The following KCNQ1 variants were observed in gnomAD, a reference collection of about 807,000 sequenced individuals.
The protein encoded by KCNQ1 is potassium voltage-gated channel subfamily KQT member 1.
Under a neutral mutation model 72.4 loss-of-function variants are expected in KCNQ1, and 49 were observed. The ratio of observed to expected loss-of-function variants is 0.68; its 90% CI spans 0.54 to 0.86. The LOEUF (loss-of-function observed/expected upper bound fraction) is 0.86, where lower values mean the gene tolerates loss of function less well. KCNQ1 is among the 40% of genes least tolerant of loss of function. The pLI is 0.00. For missense variants in KCNQ1, 790 were observed against 945.1 expected (o/e 0.84, Z 2.15); for synonymous variants, 450 against 412.6 (o/e 1.09, Z -1.10).
chr11:2,493,126 T>C lies in KCNQ1; in HGVS notation c.387-34802T>C, dbSNP rs558169324. On this transcript the variant is annotated intron_variant, in intron 1 of 15. Coordinates refer to ENST00000155840, the MANE Select transcript of KCNQ1 (RefSeq NM_000218.3). The surrounding 1 kb of genome is among the most constrained non-coding windows in gnomAD (Gnocchi z 5.3). ...TGACCAGTAATGATTAGCTTTTTTTTCCATATGTTTCTTGGCCACATAAAT... is the reference window on the plus strand; with the variant it reads ...TGACCAGTAATGATTAGCTTTTTTTCCCATATGTTTCTTGGCCACATAAAT... Among the ~76,000 whole-genome samples, 23 of 152,358 alleles carry C rather than the reference T, an allele frequency of 1.5e-4. No individual in the cohort carries two copies. In the South Asian group the frequency reaches 1.9e-3, roughly 12 times the overall value.
Position 2,699,718 on chromosome 11 carries a change from G to C in KCNQ1, c.1514+37637G>C, listed in dbSNP as rs534728847. ...GCCCCGAGGAGAACGGCGCCGAGGA[G>C]TCCCCGGGGAGAACTGCGCCGAGGA... On this transcript the variant is annotated intron_variant, in intron 11 of 15. Coordinates refer to ENST00000155840, the MANE Select transcript of KCNQ1 (RefSeq NM_000218.3). The C allele has an allele frequency of 6.4e-4, 183 of 285,424 alleles. No individual in the cohort carries two copies. Among genetic ancestry groups the C allele is most frequent in the Non-Finnish European group, 1.0e-3 (170 of 169,126 alleles). 17.7% of individuals were successfully genotyped at this position (285,424 alleles called of 1,614,324 possible).
rs556681987 is a variant in KCNQ1 at position 2,816,343 on chromosome 11, G to A, written c.1795-31424G>A. On this transcript the variant is annotated intron_variant, in intron 15 of 15. Transcript: ENST00000155840. The surrounding 1 kb of genome is among the most constrained non-coding windows in gnomAD (Gnocchi z 6.8). ...GATGTTGGGGAGAGGGGCCTCCAGC[G>A]CCGTGGGGGAGAATTTCAAGAGCCT... 5.9e-5 allele frequency among the ~76,000 whole-genome samples: 9 copies of A among 152,328 alleles called. No individual in the cohort carries two copies. The highest frequency in any genetic ancestry group is 4.1e-4 in the South Asian group (2 of 4,830).
chr11:2,635,278 T>A (rs1252784808), intron 10 of KCNQ1: 2 of 152,320 alleles, frequency 1.3e-5, no homozygotes, highest in African/African-American at 2.4e-5. Context: ...CTGAATGGTA[T>A]TGCCTAGGTT....
chr11:2,685,418 A>G lies in KCNQ1; in HGVS notation c.1514+23337A>G, dbSNP rs899471654. The stretch of plus-strand genomic sequence containing the variant: ...ATGTGTTTCCATGGGTCTCCTTCAC[A>G]TAGAATTGTCACCTGAACGAGAAGC... On this transcript the variant is annotated intron_variant, in intron 11 of 15. Coordinates refer to ENST00000155840, the MANE Select transcript of KCNQ1 (RefSeq NM_000218.3). The G allele has an allele frequency of 1.0e-5, 4 of 398,574 alleles. No individual in the cohort carries two copies. The East Asian group carries it at 1.4e-4, about 14-fold the overall frequency. The allele number at this position is 398,574 out of a possible 1,614,324, so 24.7% of individuals were successfully genotyped here.
In KCNQ1 at chr11:2,462,996, C is replaced by T. The variant is rs1846299815; in HGVS notation, c.386+17512C>T. Among the ~76,000 whole-genome samples the T allele has an allele frequency of 6.6e-6, 1 of 152,090 alleles. No homozygotes were observed. Among genetic ancestry groups the T allele is most frequent in the Admixed American group, 6.5e-5 (1 of 15,272 alleles). On this transcript the variant is annotated intron_variant, in intron 1 of 15. Coordinates refer to ENST00000155840, the MANE Select transcript of KCNQ1 (RefSeq NM_000218.3). The surrounding 1 kb of genome is among the most constrained non-coding windows in gnomAD (Gnocchi z 8.2). ...AAGAGTCTTGGGTGAGGCCCCTGAACTGGTAAGCGGGGCAGCGGCGGCAGG... is the reference window on the plus strand; with the variant it reads ...AAGAGTCTTGGGTGAGGCCCCTGAATTGGTAAGCGGGGCAGCGGCGGCAGG...
At position 2,475,148 on chromosome 11, in the gene KCNQ1, C is replaced by T. The variant is rs745718926; in HGVS notation, c.386+29664C>T. Reference sequence around the variant, plus strand: ...GGAAATTAGCAGTCACCCCTTTCCCCCATGCCCCCAGCTCCTGACAACCAC... The same window carrying T: ...GGAAATTAGCAGTCACCCCTTTCCCTCATGCCCCCAGCTCCTGACAACCAC... On this transcript the variant is annotated intron_variant, in intron 1 of 15. Transcript: ENST00000155840. The surrounding 1 kb of genome is among the most constrained non-coding windows in gnomAD (Gnocchi z 5.8). Among the ~76,000 whole-genome samples, 111 of 152,184 alleles carry T rather than the reference C, an allele frequency of 7.3e-4. 1 individual carries two copies. Among genetic ancestry groups the T allele is most frequent in the Non-Finnish European group, 4.1e-4 (28 of 68,030 alleles).
intron 15 of KCNQ1, among the ~76,000 whole-genome samples, chr11:2,835,970 C>T (rs931704781): frequency 6.6e-6 from 1 of 151,132 alleles, no homozygotes; most frequent in Non-Finnish European, 1.5e-5. Flanking sequence ...TCCCAGGGGT[C>T]GGGGACAGGT....
At chr11:2,585,332 C>T (rs1848578213) in intron 8 of KCNQ1, 25 bp downstream of exon 8, 3 of 1,599,840 alleles carry the variant, frequency 1.9e-6, no homozygotes, top group Admixed American at 1.7e-5. Context: ...AGGCCCTGGT[C>T]ACTGTCATTT....
intron 15 of KCNQ1, among the ~76,000 whole-genome samples, chr11:2,814,170 A>T (rs1309327510): frequency 6.8e-6 from 1 of 146,954 alleles, no homozygotes; most frequent in Non-Finnish European, 1.5e-5. Flanking sequence ...GAATGGATGG[A>T]TAGATGGTTG....
chr11:2,501,634 T>G (rs912902084), intron 1 of KCNQ1, among the ~76,000 whole-genome samples: 2 of 142,950 alleles, frequency 1.4e-5, no homozygotes, highest in East Asian at 4.1e-4. Context: ...GAAACTATTA[T>G]GAAAAATAGA....
intron 1 of KCNQ1, among the ~76,000 whole-genome samples, chr11:2,511,164 A>G (rs1023073795): frequency 6.6e-6 from 1 of 152,092 alleles, no homozygotes; most frequent in African/African-American, 2.4e-5. Flanking sequence ...GGCAGCAGGG[A>G]CAAAAGCCAG....
intron 15 of KCNQ1, among the ~76,000 whole-genome samples, chr11:2,811,779 G>A (rs752547796): frequency 1.3e-5 from 2 of 152,220 alleles, no homozygotes; most frequent in Non-Finnish European, 2.9e-5. Context: ...CGGTGGCTGG[G>A]ATGGGTGGAG....
intron 2 of KCNQ1, among the ~76,000 whole-genome samples, chr11:2,545,523 T>A (rs563510071): frequency 2.0e-5 from 3 of 152,242 alleles, no homozygotes; most frequent in Non-Finnish European, 4.4e-5. Context: ...AGGTAATTGA[T>A]AATAGTTATA....
rs1034078151 is a variant in KCNQ1, at chr11:2,537,489, C to T, written c.477+9471C>T. Among the ~76,000 whole-genome samples the T allele has an allele frequency of 6.6e-6, 1 of 152,016 alleles. No individual in the cohort carries two copies. The highest frequency in any genetic ancestry group is 1.5e-5 in the Non-Finnish European group (1 of 68,022). ...CCCCGGGCCAGCCCACCGTGCCCCA[C>T]GTTTCTACAGTGCCCAGGTTGGCGC... On this transcript the variant is annotated intron_variant, in intron 2 of 15. Transcript: ENST00000155840. This position sits in a 1 kb window ranked among gnomAD's most constrained non-coding sequence, Gnocchi z 5.2.
At chr11:2,765,769 GT>G (rs1416721015) in intron 11 of KCNQ1, among the ~76,000 whole-genome samples, 21 of 152,060 alleles carry the variant, frequency 1.4e-4, no homozygotes, top group Non-Finnish European at 2.5e-4. Flanking sequence ...TCCTTTACTA[GT>G]TTTCATTTGG....
chr11:2,467,510 A>T (rs1846369318), intron 1 of KCNQ1, among the ~76,000 whole-genome samples: 1 of 152,178 alleles, frequency 6.6e-6, no homozygotes, highest in South Asian at 2.1e-4. Flanking sequence ...AGCCTCAGGA[A>T]GTGGTTTTGT....
chr11:2,490,474 C>T lies in KCNQ1; in HGVS notation c.387-37454C>T, dbSNP rs1044278821. 2.6e-5 allele frequency among the ~76,000 whole-genome samples: 4 copies of T among 152,060 alleles called. No individual in the cohort carries two copies. In the East Asian group the frequency reaches 7.8e-4, roughly 30 times the overall value. ...TGCTTACAGCGGGCCTTGGGTGAAA[C>T]CCAGTGATGTGTTGGCTTCAGGTCT... On this transcript the variant is annotated intron_variant, in intron 1 of 15. Coordinates refer to ENST00000155840, the MANE Select transcript of KCNQ1 (RefSeq NM_000218.3).
Position 2,613,634 on chromosome 11 carries a change from G to C in KCNQ1, c.1393+24780G>C. On this transcript the variant is annotated intron_variant, in intron 10 of 15. Transcript: ENST00000155840. This position sits in a 1 kb window ranked among gnomAD's most constrained non-coding sequence, Gnocchi z 4.8. ...GTCCAGTTTTATCATTGCTTTTCAG[G>C]GAGTGGTTATATCAAGGTGCTCATT... 1 of 398,306 alleles carries C rather than the reference G, an allele frequency of 2.5e-6. No homozygotes were observed. The allele number at this position is 398,306 out of a possible 1,614,324, so 24.7% of individuals were successfully genotyped here.
In KCNQ1 at chr11:2,817,083, G is replaced by A. The variant is rs969382109; in HGVS notation, c.1795-30684G>A. 1.4e-4 allele frequency among the ~76,000 whole-genome samples: 22 copies of A among 152,122 alleles called. No individual in the cohort carries two copies. The highest frequency in any genetic ancestry group is 5.1e-4 in the African/African-American group (21 of 41,530). On this transcript the variant is annotated intron_variant, in intron 15 of 15. Coordinates refer to ENST00000155840, the MANE Select transcript of KCNQ1 (RefSeq NM_000218.3). This position sits in a 1 kb window ranked among gnomAD's most constrained non-coding sequence, Gnocchi z 6.1. ...ACAGAGGGAACCCACCCTCACCCTA[G>A]TCCACATGCCCGACCCATGACCCAG...
Sources: gnomAD v4.1 joint callset for allele counts (sites outside exome capture counted in the v4.1 genomes callset) on GRCh38, gnomAD v4.1.1 for gene constraint, Gnocchi (gnomAD v3.1) non-coding constraint, MANE v1.5 for transcripts, NCBI Gene and HGNC (gene_info 2026-07-23, HGNC 2026-07-21) for gene names.